MTUS1: variants seen among roughly 807,000 people sequenced by gnomAD.
MTUS1 encodes the protein microtubule-associated tumor suppressor 1.
In MTUS1, 109 loss-of-function variants were observed where a neutral mutation model predicts 120.8. The observed-to-expected ratio is 0.90, with a 90% CI of 0.77 to 1.06. MTUS1 has a LOEUF of 1.06. Ranked by LOEUF, MTUS1 falls within the 50% of genes least tolerant of loss-of-function variation. The pLI, the probability that MTUS1 is intolerant of heterozygous loss-of-function variation, is 0.00. For missense variants in MTUS1, 2,210 were observed against 1,486.3 expected (o/e 1.49, Z -8.01); for synonymous variants, 737 against 550.5 (o/e 1.34, Z -4.74).
intron 1 of MTUS1, among the ~76,000 whole-genome samples, chr8:17,762,156 G>C (rs2131384139): frequency 6.6e-6 from 1 of 152,246 alleles, no homozygotes; most frequent in South Asian, 2.1e-4. Context: ...GCAGGTGCCT[G>C]TAATCCCACC....
At chr8:17,744,673 G>GGT (rs2047598301) in intron 2 of MTUS1, among the ~76,000 whole-genome samples, 2 of 148,442 alleles carry the variant, frequency 1.3e-5, no homozygotes, top group Admixed American at 6.7e-5. Flanking sequence ...GTGGAGATGG[G>GGT]GTTTCACCAT....
chr8:17,696,222 T>C (rs747178855), intron 6 of MTUS1, among the ~76,000 whole-genome samples: 3 of 151,960 alleles, frequency 2.0e-5, no homozygotes, highest in Non-Finnish European at 4.4e-5. Flanking sequence ...CAAAATCAAA[T>C]GACAGGTCAA....
intron 7 of MTUS1, among the ~76,000 whole-genome samples, chr8:17,681,896 CAAAT>C (rs1348672445): frequency 6.6e-6 from 1 of 151,956 alleles, no homozygotes; most frequent in African/African-American, 2.4e-5. Flanking sequence ...TTATTTAACC[CAAAT>C]ATATATATAA....
chr8:17,795,172 C>A (rs1486725106), intron 1 of MTUS1, among the ~76,000 whole-genome samples: 1 of 152,154 alleles, frequency 6.6e-6, no homozygotes, highest in Non-Finnish European at 1.5e-5. Context: ...AACTACCCAA[C>A]AGTCAAGACT....
In MTUS1 at chr8:17,690,482, C is replaced by T. The variant is rs149364232; in HGVS notation, c.2624-5940G>A. ...TCTATGGAAAACAGTATGGAGATTC[C>T]TCAAAGAACTAAAAATAGAACTACC... On this transcript the variant is annotated intron_variant, in intron 6 of 14. Transcript: ENST00000693296. Among the ~76,000 whole-genome samples, 967 of 152,234 alleles carry T rather than the reference C, an allele frequency of 6.4e-3. 9 individuals are homozygous for T. The highest frequency in any genetic ancestry group is 0.022 in the African/African-American group (911 of 41,548).
At chr8:17,715,343 G>C (rs1420394221) in intron 5 of MTUS1, among the ~76,000 whole-genome samples, 2 of 152,130 alleles carry the variant, frequency 1.3e-5, no homozygotes, top group Non-Finnish European at 2.9e-5. Flanking sequence ...TGAGGGATAT[G>C]AGAAGGAACA....
intron 1 of MTUS1, among the ~76,000 whole-genome samples, chr8:17,758,738 T>A (rs1022288280): frequency 2.0e-5 from 3 of 152,222 alleles, no homozygotes; most frequent in African/African-American, 7.2e-5. Flanking sequence ...GCACTTAGCA[T>A]AGATCGTGGG....
intron 1 of MTUS1, among the ~76,000 whole-genome samples, chr8:17,774,375 C>A (rs1318461386): frequency 6.6e-6 from 1 of 152,144 alleles, no homozygotes; most frequent in Non-Finnish European, 1.5e-5. Flanking sequence ...GCTAGTACCA[C>A]CTCAGTCTCA....
chr8:17,725,613 CCCTT>C (rs2046176361), intron 3 of MTUS1, among the ~76,000 whole-genome samples: 1 of 152,158 alleles, frequency 6.6e-6, no homozygotes, highest in South Asian at 2.1e-4. Context: ...GTCCTTCCAT[CCCTT>C]CCAACTCCAT....
At chr8:17,727,344 C>G (rs11776415) in intron 3 of MTUS1, among the ~76,000 whole-genome samples, 3 of 152,158 alleles carry the variant, frequency 2.0e-5, no homozygotes, top group African/African-American at 7.2e-5. Context: ...GGCCTAGAAT[C>G]CAAGTGTCTA....
rs1195390345 is a variant in MTUS1 at position 17,723,733 on chromosome 8, C to G, written c.2388G>C (p.Arg796Ser). Residue 796 changes from arginine to serine, a missense_variant, in exon 4 of 15, where the codon AGG becomes AGC. Coordinates refer to ENST00000693296, the MANE Select transcript of MTUS1 (RefSeq NM_001363059.2). The part of the protein sequence containing the change: ...KASLKSPALR[R>S]TGSTPSIAST... ...TGGCTATTGAGGGGGTGCTTCCTGT[C>G]CTCCGCAGCGCAGGACTTTTCAAAG... is the stretch of plus-strand genomic sequence containing the variant. 6.2e-7 allele frequency: 1 copy of G among 1,611,012 alleles called. No homozygotes were observed. The highest frequency in any genetic ancestry group is 1.3e-5 in the African/African-American group (1 of 74,950).
chr8:17,798,265 G>T (rs1023451174), intron 1 of MTUS1, among the ~76,000 whole-genome samples: 6 of 152,092 alleles, frequency 3.9e-5, no homozygotes, highest in Non-Finnish European at 7.3e-5. Context: ...AATTAGTTTT[G>T]CAACAGTCTC....
rs1585389370 is a variant in MTUS1, at chr8:17,649,905, C to G, written c.3442G>C (p.Glu1148Gln). The G allele has an allele frequency of 1.2e-6, 2 of 1,612,650 alleles. No individual in the cohort carries two copies. The highest frequency in any genetic ancestry group is 1.7e-5 in the Admixed American group (1 of 60,006). ...TGATGCAGTTTCTCATTCTTGATCTCTAACACAGCTTTCAGGCTTTCTAAC... is the reference window on the plus strand; with the variant it reads ...TGATGCAGTTTCTCATTCTTGATCTGTAACACAGCTTTCAGGCTTTCTAAC... ...QELESLKAVL[E>Q]IKNEKLHQQD... Residue 1148 changes from glutamate (E) to glutamine (Q), a missense_variant, in exon 13 of 15, where the codon GAG (glutamate) becomes CAG (glutamine). Glu to Gln is a conservative substitution (Grantham distance 29). Coordinates refer to ENST00000693296, the MANE Select transcript of MTUS1 (RefSeq NM_001363059.2).
chr8:17,675,856 T>C (rs36001975), intron 7 of MTUS1: 99,833 of 161,992 alleles, frequency 0.62, 32,206 homozygotes, highest in East Asian at 0.81. Flanking sequence ...TCTAAATCGA[T>C]GTTAGAGAAA....
At chr8:17,740,391 T>G (rs2047224126) in intron 3 of MTUS1, among the ~76,000 whole-genome samples, 1 of 152,236 alleles carries the variant, frequency 6.6e-6, no homozygotes, top group African/African-American at 2.4e-5. Flanking sequence ...TTTCTGCCGC[T>G]TACCTTTCAG....
chr8:17,787,599 G>A (rs1223679384), intron 1 of MTUS1, among the ~76,000 whole-genome samples: 1 of 152,112 alleles, frequency 6.6e-6, no homozygotes, highest in Non-Finnish European at 1.5e-5. Context: ...TCAGGAACTG[G>A]GTTACCTGTT....
chr8:17,750,259 T>C (rs2048089022), intron 2 of MTUS1, among the ~76,000 whole-genome samples: 1 of 152,160 alleles, frequency 6.6e-6, no homozygotes, highest in Non-Finnish European at 1.5e-5. Context: ...CAATACAGAA[T>C]TGGCCAAGAA....
At chr8:17,789,092 G>A (rs574972132) in intron 1 of MTUS1, among the ~76,000 whole-genome samples, 1 of 151,896 alleles carries the variant, frequency 6.6e-6, no homozygotes, top group Admixed American at 6.6e-5. Context: ...GAATGCAATG[G>A]CACGATCTCA....
At chr8:17,721,366 A>G (rs2045829386) in intron 4 of MTUS1, among the ~76,000 whole-genome samples, 1 of 152,196 alleles carries the variant, frequency 6.6e-6, no homozygotes, top group Admixed American at 6.5e-5. Flanking sequence ...TTAGAAAAGT[A>G]TTTTTCTACA....
Sources: allele counts gnomAD v4.1 joint callset (sites outside exome capture counted in the v4.1 genomes callset), GRCh38; gene constraint gnomAD v4.1.1; transcripts MANE v1.5; gene names NCBI Gene and HGNC (gene_info 2026-07-23, HGNC 2026-07-21).